Variants in UBL3 observed in about 807,000 individuals in gnomAD.
UBL3 encodes the protein ubiquitin-like protein 3.
A neutral mutation model predicts 18.4 loss-of-function variants in UBL3; 6 were observed. The observed-to-expected ratio is 0.33, with a 90% CI of 0.18 to 0.64. The LOEUF (loss-of-function observed/expected upper bound fraction) is 0.64, where lower values mean the gene tolerates loss of function less well. UBL3 is among the 30% of genes least tolerant of loss of function. UBL3 has a pLI of 0.76. For missense variants in UBL3, 109 were observed against 142.9 expected (o/e 0.76, Z 1.21); for synonymous variants, 49 against 46.6 (o/e 1.05, Z -0.21).
intron 1 of UBL3, among the ~76,000 whole-genome samples, chr13:29,819,480 A>G (rs1325983982): frequency 1.3e-5 from 2 of 152,244 alleles, no homozygotes; most frequent in African/African-American, 4.8e-5. Flanking sequence ...GATTGTTACA[A>G]TGGTACTTCT....
intron 1 of UBL3, among the ~76,000 whole-genome samples, chr13:29,816,537 T>C (rs529465913): frequency 2.0e-4 from 30 of 151,650 alleles, no homozygotes; most frequent in South Asian, 6.3e-4. Flanking sequence ...GGTAGGAGGA[T>C]TGAATAAGCC....
At chr13:29,805,393 G>A (rs553205728) in intron 1 of UBL3, among the ~76,000 whole-genome samples, 2 of 152,140 alleles carry the variant, frequency 1.3e-5, no homozygotes, top group Non-Finnish European at 2.9e-5. Flanking sequence ...AATCACCTAG[G>A]GAGCTTTTTC....
intron 1 of UBL3, among the ~76,000 whole-genome samples, chr13:29,783,130 T>C (rs1877221764): frequency 6.6e-6 from 1 of 152,248 alleles, no homozygotes; most frequent in Middle Eastern, 3.2e-3. Context: ...TAATTGTTTC[T>C]TGGTAGTGCT....
chr13:29,836,242 T>C (rs1878958903), intron 1 of UBL3, among the ~76,000 whole-genome samples: 1 of 152,142 alleles, frequency 6.6e-6, no homozygotes, highest in African/African-American at 2.4e-5. Context: ...GCTTGGCTGA[T>C]GGTGCCATGG....
At chr13:29,813,146 T>C (rs1026825996) in intron 1 of UBL3, among the ~76,000 whole-genome samples, 1 of 151,944 alleles carries the variant, frequency 6.6e-6, no homozygotes, top group African/African-American at 2.4e-5. Flanking sequence ...AGGAAAAAAA[T>C]TTCTTTTCCT....
At chr13:29,819,375 C>T (rs558843301) in intron 1 of UBL3, among the ~76,000 whole-genome samples, 1 of 152,260 alleles carries the variant, frequency 6.6e-6, no homozygotes, top group South Asian at 2.1e-4. Flanking sequence ...CAAGGCTATC[C>T]ATATCAGAAA....
intron 1 of UBL3, among the ~76,000 whole-genome samples, chr13:29,803,524 T>C (rs1877824659): frequency 6.6e-6 from 1 of 152,038 alleles, no homozygotes; most frequent in East Asian, 1.9e-4. Context: ...ATTGGTACGC[T>C]GTCTCTAAGA....
chr13:29,800,739 C>A (rs987890342), intron 1 of UBL3, among the ~76,000 whole-genome samples: 18 of 152,210 alleles, frequency 1.2e-4, no homozygotes, highest in Admixed American at 5.9e-4. Flanking sequence ...TCTGCTAAAT[C>A]GTTGGAGCAA....
chr13:29,796,081 G>A (rs1877603966), intron 1 of UBL3, among the ~76,000 whole-genome samples: 1 of 152,126 alleles, frequency 6.6e-6, no homozygotes, highest in Non-Finnish European at 1.5e-5. Context: ...CGCAAAGGAA[G>A]AAGCATGTTA....
chr13:29,846,198 T>C (rs1406839230), intron 1 of UBL3, among the ~76,000 whole-genome samples: 2 of 152,106 alleles, frequency 1.3e-5, no homozygotes, highest in African/African-American at 2.4e-5. Flanking sequence ...TTAAATACAA[T>C]ATATTATAAT....
intron 1 of UBL3, among the ~76,000 whole-genome samples, chr13:29,792,564 C>T (rs1222211034): frequency 1.3e-5 from 2 of 152,170 alleles, no homozygotes; most frequent in Non-Finnish European, 2.9e-5. Context: ...CTTTGCAGTC[C>T]TATTCAGCTC....
At chr13:29,816,754 CAAAAAAAAAA>C (rs57272367) in intron 1 of UBL3, among the ~76,000 whole-genome samples, 11,147 of 42,538 alleles carry the variant, frequency 0.26, 644 homozygotes, top group African/African-American at 0.33. Flanking sequence ...GACCCTGTCT[CAAAAAAAAAA>C]AAAAAAAAAA....
intron 1 of UBL3, among the ~76,000 whole-genome samples, chr13:29,806,561 G>T (rs1446597792): frequency 6.6e-6 from 1 of 152,114 alleles, no homozygotes; most frequent in African/African-American, 2.4e-5. Context: ...GGGCTGGGGG[G>T]CAGGGAGTAT....
At chr13:29,849,194 T>C (rs1185078422) in intron 1 of UBL3, among the ~76,000 whole-genome samples, 2 of 152,232 alleles carry the variant, frequency 1.3e-5, no homozygotes, top group African/African-American at 4.8e-5. Flanking sequence ...CCTGACGTTT[T>C]CAGAAACGTT....
intron 1 of UBL3, among the ~76,000 whole-genome samples, chr13:29,808,533 A>G (rs1877954156): frequency 6.6e-6 from 1 of 152,118 alleles, no homozygotes; most frequent in African/African-American, 2.4e-5. Context: ...CTGGAAGCTA[A>G]GTTTCTTAGT....
At chr13:29,827,834 T>C (rs1878664372) in intron 1 of UBL3, among the ~76,000 whole-genome samples, 2 of 152,244 alleles carry the variant, frequency 1.3e-5, no homozygotes, top group Admixed American at 1.3e-4. Context: ...TTGCTTTCCA[T>C]GTTTAGTGCT....
intron 1 of UBL3, among the ~76,000 whole-genome samples, chr13:29,778,437 TAA>T (rs1341689631): frequency 6.6e-6 from 1 of 152,230 alleles, no homozygotes; most frequent in Non-Finnish European, 1.5e-5. Context: ...TGGCCTTTGT[TAA>T]AAGAGTAAGT....
chr13:29,769,198 G>C (rs1042297230), intron 3 of UBL3, among the ~76,000 whole-genome samples: 1 of 151,982 alleles, frequency 6.6e-6, no homozygotes, highest in Non-Finnish European at 1.5e-5. Context: ...ATGAATCTGA[G>C]AAAAAAGGTA....
At chr13:29,808,443 A>G (rs1205294816) in intron 1 of UBL3, among the ~76,000 whole-genome samples, 2 of 152,044 alleles carry the variant, frequency 1.3e-5, no homozygotes, top group East Asian at 3.8e-4. Flanking sequence ...TGATTTTTCC[A>G]TTTCACTGTA....
Sources: gnomAD v4.1 joint callset for allele counts (sites outside exome capture counted in the v4.1 genomes callset) on GRCh38, gnomAD v4.1.1 for gene constraint, MANE v1.5 for transcripts, NCBI Gene and HGNC (gene_info 2026-07-23, HGNC 2026-07-21) for gene names.